Variants in HRH4 observed in about 807,000 individuals in gnomAD.
HRH4 encodes histamine H4 receptor.
A neutral mutation model predicts 10.4 loss-of-function variants in HRH4; 12 were observed. That is an observed-to-expected ratio of 1.15 (90% CI 0.74 to 1.87). The LOEUF (loss-of-function observed/expected upper bound fraction) is 1.87. Among genes scored for constraint, HRH4 ranks in the 40% most tolerant of loss-of-function variants. The pLI is 0.00. For synonymous variants in HRH4, 154 were observed against 166.6 expected, an observed-to-expected ratio of 0.92 and a Z score of 0.58; for missense variants, 415 against 453.3, an observed-to-expected ratio of 0.92 and a Z score of 0.77.
At chr18:24,463,903 T>C (rs1909704973) in intron 1 of HRH4, among the ~76,000 whole-genome samples, 2 of 152,248 alleles carry the variant, frequency 1.3e-5, no homozygotes, top group Admixed American at 6.5e-5. Flanking sequence ...TCAATAAAAG[T>C]GTTACCATGT....
chr18:24,469,631 G>T (rs1350792264), intron 2 of HRH4, among the ~76,000 whole-genome samples: 3 of 152,172 alleles, frequency 2.0e-5, no homozygotes, highest in Non-Finnish European at 4.4e-5. Flanking sequence ...AACCTTTGAG[G>T]CCTAGATAGG....
At position 24,477,705 on chromosome 18, in the gene HRH4, A is replaced by G. The variant is rs553579780; in HGVS notation, c.*143A>G. On this transcript the variant is annotated 3_prime_UTR_variant, in exon 3 of 3. Transcript: ENST00000256906. ...AATTACTCCAGTGAATAATAGCAGT[A>G]TAATATGACTTGATAATATTTTTGT... is the stretch of plus-strand genomic sequence containing the variant. 25 of 556,672 alleles carry G rather than the reference A, an allele frequency of 4.5e-5. No individual in the cohort carries two copies. The East Asian group carries it at 6.2e-4, about 14-fold the overall frequency. The allele number at this position is 556,672 out of a possible 1,614,324, so 34.5% of individuals were successfully genotyped here. A position where few individuals can be genotyped will look rare whatever the true frequency, so the allele number is the denominator to read the frequency against.
rs902335865 is a variant in HRH4, at chr18:24,468,885, A to T, written c.291A>T (p.Leu97Phe). 8.7e-6 allele frequency: 14 copies of T among 1,613,752 alleles called. No homozygotes were observed. Among genetic ancestry groups the T allele is most frequent in the Non-Finnish European group, 1.1e-5 (13 of 1,179,650 alleles). ...CVFWLTTDYL[L>F]CTASVYNIVL... is the part of the protein sequence containing the mutation. ...TTTGGCTCACTACTGACTATCTGTTATGTACAGCATCTGTATATAACATTG... is the reference window on the plus strand; with the variant it reads ...TTTGGCTCACTACTGACTATCTGTTTTGTACAGCATCTGTATATAACATTG... Residue 97 changes from leucine (L) to phenylalanine (F), a missense_variant, in exon 2 of 3, where the codon TTA (leucine) becomes TTT (phenylalanine). Leu to Phe is a conservative substitution (Grantham distance 22). Coordinates refer to ENST00000256906, the MANE Select transcript of HRH4 (RefSeq NM_021624.4).
intron 1 of HRH4, among the ~76,000 whole-genome samples, chr18:24,463,402 A>G (rs370338915): frequency 6.6e-6 from 1 of 152,148 alleles, no homozygotes; most frequent in Non-Finnish European, 1.5e-5. Flanking sequence ...AGGGCTCACC[A>G]TGACACAGTC....
Position 24,477,798 on chromosome 18 carries a change from AT to A in HRH4, c.*239del, listed in dbSNP as rs775865524. The stretch of plus-strand genomic sequence containing the variant: ...CCTCTTCCTTGTCTTTTAGATCTTA[AT>A]TTCATGCTGATTACAAAAATCCAGT... On this transcript the variant is annotated 3_prime_UTR_variant, in exon 3 of 3. Transcript: ENST00000256906. 5.4e-6 allele frequency: 2 copies of A among 367,286 alleles called. No homozygotes were observed. Among genetic ancestry groups the A allele is most frequent in the African/African-American group, 2.1e-5 (1 of 48,206 alleles). 22.8% of individuals were successfully genotyped at this position (367,286 alleles called of 1,614,324 possible).
At position 24,476,762 on chromosome 18, in the gene HRH4, C is replaced by G. The variant is rs1910141704; in HGVS notation, c.373C>G (p.Gln125Glu). ...TTTCTTCTAGGTGTCTTATAGAACT[C>G]AACATACTGGGGTCTTGAAGATTGT... ...SVSNAVSYRT[Q>E]HTGVLKIVTL... is the part of the protein sequence containing the mutation. The change falls in exon 3 of 3, where the codon CAA becomes GAA. Residue 125 changes from glutamine (Q) to glutamate (E), a missense_variant. By Grantham distance (29) the Gln-to-Glu change is conservative. Transcript: ENST00000256906. The G allele has an allele frequency of 1.2e-6, 2 of 1,613,658 alleles. No individual in the cohort carries two copies. The highest frequency in any genetic ancestry group is 1.7e-6 in the Non-Finnish European group (2 of 1,179,768).
At chr18:24,472,140 G>A (rs1909986774) in intron 2 of HRH4, among the ~76,000 whole-genome samples, 1 of 152,116 alleles carries the variant, frequency 6.6e-6, no homozygotes, top group Admixed American at 6.5e-5. Flanking sequence ...CCCCCTCCCG[G>A]GTTCAAGCCA....
intron 1 of HRH4, among the ~76,000 whole-genome samples, chr18:24,467,630 A>C (rs1339857963): frequency 6.6e-6 from 1 of 152,128 alleles, no homozygotes; most frequent in African/African-American, 2.4e-5. Context: ...TGCAACCTCC[A>C]TCTCCCGGGT....
chr18:24,475,461 A>T (rs111277698), intron 2 of HRH4, among the ~76,000 whole-genome samples: 5,634 of 152,198 alleles, frequency 0.037, 173 homozygotes, highest in African/African-American at 0.071. Context: ...TTATCTCTAC[A>T]AATAACAAAA....
rs540127411 is a variant in HRH4 at position 24,478,409 on chromosome 18, T to A, written c.*847T>A. The A allele has an allele frequency of 1.3e-5, 2 of 152,402 alleles. No homozygotes were observed. The highest frequency in any genetic ancestry group is 2.9e-5 in the Non-Finnish European group (2 of 68,140). 9.4% of individuals were successfully genotyped at this position (152,402 alleles called of 1,614,324 possible). ...TAATTATTATTTTTAAAAATTTTTA[T>A]TTGTTGGCCGGGCATGGTGGCTCAC... On this transcript the variant is annotated 3_prime_UTR_variant, in exon 3 of 3. Coordinates refer to ENST00000256906, the MANE Select transcript of HRH4 (RefSeq NM_021624.4).
At position 24,477,625 on chromosome 18, in the gene HRH4, C is replaced by T. The variant is rs1910183322; in HGVS notation, c.*63C>T. ...CTCACCTAAATGAATCAGGTCTGCC[C>T]TTTATCTTGCCCTTTTCATTCTACC... On this transcript the variant is annotated 3_prime_UTR_variant, in exon 3 of 3. Coordinates refer to ENST00000256906, the MANE Select transcript of HRH4 (RefSeq NM_021624.4). 4 of 1,136,342 alleles carry T rather than the reference C, an allele frequency of 3.5e-6. No individual in the cohort carries two copies. The East Asian group carries it at 9.6e-5, about 27-fold the overall frequency. The allele number at this position is 1,136,342 out of a possible 1,614,324, so 70.4% of individuals were successfully genotyped here.
chr18:24,461,621 T>C (rs1197857482), intron 1 of HRH4, among the ~76,000 whole-genome samples: 1 of 152,198 alleles, frequency 6.6e-6, no homozygotes, highest in Non-Finnish European at 1.5e-5. Context: ...TACAGGAGTT[T>C]CTAGTATAAT....
At chr18:24,464,619 A>C (rs1909727151) in intron 1 of HRH4, among the ~76,000 whole-genome samples, 1 of 152,072 alleles carries the variant, frequency 6.6e-6, no homozygotes, top group African/African-American at 2.4e-5. Context: ...TTCTCATGGA[A>C]GATATAGCTT....
chr18:24,468,367 T>C (rs956004994), intron 1 of HRH4, among the ~76,000 whole-genome samples: 2 of 152,198 alleles, frequency 1.3e-5, no homozygotes, highest in Non-Finnish European at 2.9e-5. Context: ...AAATCATCAG[T>C]AGATTATGTA....
chr18:24,476,116 CA>C (rs1323661013), intron 2 of HRH4, among the ~76,000 whole-genome samples: 2 of 152,128 alleles, frequency 1.3e-5, no homozygotes, highest in East Asian at 3.9e-4. Context: ...GAAGTCTCAG[CA>C]AAAACCACAG....
chr18:24,472,681 G>T (rs1439223684), intron 2 of HRH4, among the ~76,000 whole-genome samples: 3 of 152,138 alleles, frequency 2.0e-5, no homozygotes, highest in Admixed American at 2.0e-4. Flanking sequence ...GGGATGGGTG[G>T]CCTGGGAAAT....
At chr18:24,463,980 A>G (rs1301667929) in intron 1 of HRH4, among the ~76,000 whole-genome samples, 1 of 152,154 alleles carries the variant, frequency 6.6e-6, no homozygotes, top group African/African-American at 2.4e-5. Context: ...TGTGGCCTAC[A>G]TGACCATGTG....
At chr18:24,460,950 T>A in intron 1 of HRH4, 29 bp downstream of exon 1, 3 of 1,358,282 alleles carry the variant, frequency 2.2e-6, no homozygotes, top group Non-Finnish European at 3.0e-6. Flanking sequence ...TTTAAGACAG[T>A]CTTTTCCGAT....
In HRH4 at chr18:24,463,379, G is replaced by A. The variant is rs546473596; in HGVS notation, c.193+2458G>A. ...TCCTGCCAGCTTCATCCAGAGGTCT[G>A]CATATTTAATGCAGGGCTCACCATG... On this transcript the variant is annotated intron_variant, in intron 1 of 2. Transcript: ENST00000256906. Among the ~76,000 whole-genome samples, 4 of 152,290 alleles carry A rather than the reference G, an allele frequency of 2.6e-5. No homozygotes were observed. In the East Asian group the frequency reaches 7.7e-4, roughly 29 times the overall value.
Sources: allele counts gnomAD v4.1 joint callset (sites outside exome capture counted in the v4.1 genomes callset), GRCh38; gene constraint gnomAD v4.1.1; transcripts MANE v1.5; gene names NCBI Gene and HGNC (gene_info 2026-07-23, HGNC 2026-07-21).